IQGAP2: variants seen among roughly 807,000 people sequenced by gnomAD.
IQGAP2 encodes IQ motif containing GTPase activating protein 2.
In IQGAP2, 173 loss-of-function variants were observed where a neutral mutation model predicts 201.3. That is an observed-to-expected ratio of 0.86 (90% CI 0.76 to 0.98). The LOEUF (loss-of-function observed/expected upper bound fraction) is 0.98, where lower values mean the gene tolerates loss of function less well. IQGAP2 is among the 50% of genes least tolerant of loss of function. The pLI, the probability that IQGAP2 is intolerant of heterozygous loss-of-function variation, is 0.00. For missense variants in IQGAP2, 1,687 were observed against 1,864.8 expected (o/e 0.90, Z 1.76); for synonymous variants, 675 against 673.9 (o/e 1.00, Z -0.03).
At position 76,631,869 on chromosome 5, in the gene IQGAP2, G is replaced by A. The variant is rs140885056; in HGVS notation, c.1623G>A (p.Leu541=). The A allele has an allele frequency of 3.7e-5, 58 of 1,588,164 alleles. No individual in the cohort carries two copies. In the African/African-American group the frequency reaches 6.2e-4, roughly 17 times the overall value. ...TTTTCAATTACCCAGGGGTTACTCTGGTGGTTGATGTTAATCAGTGTTTGG... is the reference window on the plus strand; with the variant it reads ...TTTTCAATTACCCAGGGGTTACTCTAGTGGTTGATGTTAATCAGTGTTTGG... The part of the protein sequence containing the change: ...DKDRAKQWVT[L]VVDVNQCLEG... Residue 541 remains leucine (L), a synonymous_variant, in exon 15 of 36, where the codon CTG becomes CTA. Coordinates refer to ENST00000274364, the MANE Select transcript of IQGAP2 (RefSeq NM_006633.5).
intron 35 of IQGAP2, among the ~76,000 whole-genome samples, chr5:76,703,946 G>A (rs1315331112): frequency 6.6e-6 from 1 of 152,194 alleles, no homozygotes; most frequent in Non-Finnish European, 1.5e-5. Flanking sequence ...CCCATCATGG[G>A]AGTGTGTGCC....
At position 76,671,873 on chromosome 5, in the gene IQGAP2, T is replaced by G; in HGVS notation, c.2958T>G (p.Ala986=). ...RGQNTLRQLL[A]PVVKEIIDDK... ...AGAACACCCTGCGCCAACTCCTGGC[T>G]CCAGTGGTAAAAGAGATCATCGACG... The change falls in exon 24 of 36, where the codon GCT becomes GCG. Residue 986 remains alanine (A), a synonymous_variant. Transcript: ENST00000274364. 2 of 1,614,018 alleles carry G rather than the reference T, an allele frequency of 1.2e-6. No individual in the cohort carries two copies. The highest frequency in any genetic ancestry group is 1.7e-6 in the Non-Finnish European group (2 of 1,179,996).
intron 2 of IQGAP2, among the ~76,000 whole-genome samples, chr5:76,501,012 G>C (rs985030987): frequency 6.6e-6 from 1 of 152,134 alleles, no homozygotes; most frequent in African/African-American, 2.4e-5. Context: ...TGGACAGGCT[G>C]ACTTTATGGG....
intron 17 of IQGAP2, among the ~76,000 whole-genome samples, chr5:76,641,566 C>T (rs530906466): frequency 6.6e-6 from 1 of 152,304 alleles, no homozygotes; most frequent in South Asian, 2.1e-4. Context: ...ATCTGTCACT[C>T]TTCATTTAGG....
chr5:76,701,306 C>A, intron 34 of IQGAP2, 93 bp downstream of exon 34: 1 of 1,161,784 alleles, frequency 8.6e-7, no homozygotes, highest in Non-Finnish European at 1.3e-6. Context: ...AAGGCTTAAC[C>A]TCAATTACTG....
intron 5 of IQGAP2, among the ~76,000 whole-genome samples, chr5:76,588,420 A>G (rs1746397243): frequency 6.6e-6 from 1 of 152,210 alleles, no homozygotes; most frequent in Non-Finnish European, 1.5e-5. Flanking sequence ...TACCTCACCC[A>G]CTGATAGTCT....
chr5:76,696,850 TTTCTATTTAATGAAGAA>T (rs74271545), intron 32 of IQGAP2, among the ~76,000 whole-genome samples: 49,580 of 151,678 alleles, frequency 0.33, 8,223 homozygotes, highest in Non-Finnish European at 0.35. Flanking sequence ...ATATGAAGAA[TTTCTATTTAATGAAGAA>T]TTCTATTTAA....
chr5:76,503,174 C>CTTTTTTTTTTTTTTTTTT (rs11297908), intron 2 of IQGAP2, among the ~76,000 whole-genome samples: 29 of 109,350 alleles, frequency 2.7e-4, no homozygotes, highest in Non-Finnish European at 3.6e-4. Flanking sequence ...CTTTTCTTTT[C>CTTTTTTTTTTTTTTTTTT]TTTTTTTTTT....
intron 1 of IQGAP2, among the ~76,000 whole-genome samples, chr5:76,451,418 C>T (rs1349590121): frequency 6.6e-6 from 1 of 152,172 alleles, no homozygotes; most frequent in Non-Finnish European, 1.5e-5. Context: ...CATTCATTCT[C>T]TTTCACTCAC....
chr5:76,545,412 A>G (rs1394954117), intron 2 of IQGAP2, among the ~76,000 whole-genome samples: 3 of 152,192 alleles, frequency 2.0e-5, no homozygotes, highest in African/African-American at 7.2e-5. Flanking sequence ...AGGTCATGGT[A>G]CACAGTATCT....
intron 1 of IQGAP2, among the ~76,000 whole-genome samples, chr5:76,448,625 G>C (rs972323948): frequency 3.3e-5 from 5 of 152,110 alleles, no homozygotes; most frequent in African/African-American, 1.2e-4. Context: ...GATAGTAGTG[G>C]GTGGAGCACT....
rs1561494850 is a variant in IQGAP2, at chr5:76,597,579, A to G, written c.1048A>G (p.Asn350Asp). ...AAAMYQNELF[N>D]LQKQNTMNYL... ...TGCCATGTATCAGAACGAACTTTTC[A>G]ACCTCCAGAAACAGAACACCATGGT... is the stretch of plus-strand genomic sequence containing the variant. Residue 350 changes from asparagine to aspartate, a missense_variant, in exon 10 of 36, where the codon AAC becomes GAC. Asn to Asp is a conservative substitution (Grantham distance 23). Coordinates refer to ENST00000274364, the MANE Select transcript of IQGAP2 (RefSeq NM_006633.5). 3.1e-6 allele frequency: 5 copies of G among 1,613,948 alleles called. No individual in the cohort carries two copies. The highest frequency in any genetic ancestry group is 1.7e-5 in the Admixed American group (1 of 60,000).
chr5:76,496,744 T>TCTTTCTTTCTTTCTTTCTTTC (rs1756959202), intron 2 of IQGAP2, among the ~76,000 whole-genome samples: 2 of 52,680 alleles, frequency 3.8e-5, no homozygotes, highest in African/African-American at 1.9e-4. Context: ...TTTCTTTCTT[T>TCTTTCTTTCTTTCTTTCTTTC]CTTTCTTTCT....
chr5:76,473,239 T>C (rs374830026), intron 2 of IQGAP2, among the ~76,000 whole-genome samples: 1 of 152,328 alleles, frequency 6.6e-6, no homozygotes, highest in African/African-American at 2.4e-5. Context: ...CTAGTTCTAG[T>C]TCTAGCTCTT....
chr5:76,633,335 A>G (rs1750859556), intron 15 of IQGAP2, among the ~76,000 whole-genome samples: 1 of 152,196 alleles, frequency 6.6e-6, no homozygotes, highest in African/African-American at 2.4e-5. Flanking sequence ...ATTCTGATCC[A>G]TGTACATGGG....
intron 22 of IQGAP2, among the ~76,000 whole-genome samples, chr5:76,667,099 G>A (rs1743843743): frequency 6.6e-6 from 1 of 152,058 alleles, no homozygotes; most frequent in Non-Finnish European, 1.5e-5. Flanking sequence ...GGTTTTTGGG[G>A]GGTTTGTCTC....
intron 24 of IQGAP2, among the ~76,000 whole-genome samples, chr5:76,672,752 C>A (rs916708937): frequency 6.6e-6 from 1 of 152,018 alleles, no homozygotes; most frequent in Admixed American, 6.6e-5. Flanking sequence ...CATCAATATG[C>A]GAGGCCCACA....
intron 1 of IQGAP2, among the ~76,000 whole-genome samples, chr5:76,420,253 G>GT (rs566426307): frequency 3.0e-3 from 451 of 149,466 alleles, no homozygotes; most frequent in African/African-American, 6.4e-3. Context: ...ATTTGTATGT[G>GT]TTTTTTTTTG....
intron 6 of IQGAP2, 55 bp from the exon 7 acceptor site, chr5:76,589,560 A>C: frequency 2.1e-6 from 2 of 974,720 alleles, no homozygotes; most frequent in Non-Finnish European, 3.1e-6. Context: ...TCCTGCATCC[A>C]TCTCTGTCTG....
Sources: gnomAD v4.1 joint callset for allele counts (sites outside exome capture counted in the v4.1 genomes callset) on GRCh38, gnomAD v4.1.1 for gene constraint, MANE v1.5 for transcripts, NCBI Gene and HGNC (gene_info 2026-07-23, HGNC 2026-07-21) for gene names.